The following DNMT3B variants were observed in gnomAD, a reference collection of about 807,000 sequenced individuals.
DNMT3B encodes the protein DNA (cytosine-5)-methyltransferase 3B.
In DNMT3B, 37 loss-of-function variants were observed where a neutral mutation model predicts 120.2. That is an observed-to-expected ratio of 0.31 (90% CI 0.24 to 0.40). DNMT3B has a LOEUF of 0.40. Ranked by LOEUF, DNMT3B falls within the 10% of genes least tolerant of loss-of-function variation. The pLI is 1.00. For missense variants in DNMT3B, 878 were observed against 1,137.3 expected (o/e 0.77, Z 3.28); for synonymous variants, 412 against 442.8 (o/e 0.93, Z 0.87).
At chr20:32,786,841 A>G (rs1213966540) in intron 5 of DNMT3B, among the ~76,000 whole-genome samples, 1 of 152,220 alleles carries the variant, frequency 6.6e-6, no homozygotes, top group Non-Finnish European at 1.5e-5. Flanking sequence ...TCTGTTGGGA[A>G]TGGAAGCTTT....
At chr20:32,796,475 A>G (rs1376415420) in intron 12 of DNMT3B, among the ~76,000 whole-genome samples, 2 of 152,202 alleles carry the variant, frequency 1.3e-5, no homozygotes, top group Non-Finnish European at 2.9e-5. Context: ...AGTCACCACA[A>G]AATCCTTAGT....
chr20:32,763,020 G>A (rs73112119), intron 1 of DNMT3B, among the ~76,000 whole-genome samples: 3,155 of 152,228 alleles, frequency 0.021, 46 homozygotes, highest in Non-Finnish European at 0.03. Flanking sequence ...CAGGGAGGGG[G>A]ACGCGCTGGC....
chr20:32,806,357 CTG>C lies in DNMT3B; in HGVS notation c.2420+34_2420+35del, dbSNP rs751437989. ...GCAAGGCTGCACTTGGAGAGGGAAA[CTG>C]TGTAGATCAAAACACAAATGGGCAG... On this transcript the variant is annotated intron_variant, in intron 22 of 22. Coordinates refer to ENST00000328111, the MANE Select transcript of DNMT3B (RefSeq NM_006892.4). 5.7e-5 allele frequency: 91 copies of C among 1,600,944 alleles called. 1 individual carries two copies. Among genetic ancestry groups the C allele is most frequent in the South Asian group, 2.3e-4 (21 of 90,756 alleles).
intron 8 of DNMT3B, among the ~76,000 whole-genome samples, chr20:32,792,359 T>C (rs573781095): frequency 1.2e-4 from 19 of 152,234 alleles, no homozygotes; most frequent in African/African-American, 4.6e-4. Context: ...GCCTTTTGAG[T>C]GGGAGGTGAC....
rs1032274451 is a variant in DNMT3B, at chr20:32,779,994, A to G, written c.-6-324A>G. Reference sequence around the variant, plus strand: ...AGACGGGCCGGGACAGGCAGGTCCTAAATGGCATTGTTTGAAGGGGCCGGC... The same window carrying G: ...AGACGGGCCGGGACAGGCAGGTCCTGAATGGCATTGTTTGAAGGGGCCGGC... On this transcript the variant is annotated intron_variant, in intron 1 of 22. Transcript: ENST00000328111. 5 of 1,343,372 alleles carry G rather than the reference A, an allele frequency of 3.7e-6. No homozygotes were observed. The African/African-American group carries it at 5.8e-5, about 16-fold the overall frequency. The allele number at this position is 1,343,372 out of a possible 1,614,324, so 83.2% of individuals were successfully genotyped here. A position where few individuals can be genotyped will look rare whatever the true frequency, so the allele number is the denominator to read the frequency against.
chr20:32,765,574 C>CCACG (rs1987285662), intron 1 of DNMT3B, among the ~76,000 whole-genome samples: 1 of 150,664 alleles, frequency 6.6e-6, no homozygotes, highest in African/African-American at 2.4e-5. Flanking sequence ...GCGCACACCA[C>CCACG]CACGCCTGGC....
intron 8 of DNMT3B, 92 bp from the exon 9 acceptor site, chr20:32,792,534 G>A: frequency 6.2e-7 from 1 of 1,604,682 alleles, no homozygotes. Flanking sequence ...GTGTGAAGGG[G>A]AATGTAGGCC....
intron 8 of DNMT3B, among the ~76,000 whole-genome samples, chr20:32,791,923 TGAATCAGAAG>T (rs1202364970): frequency 6.6e-6 from 1 of 152,178 alleles, no homozygotes; most frequent in Non-Finnish European, 1.5e-5. Context: ...GACCACTAAC[TGAATCAGAAG>T]GAAAGAGCAC....
At chr20:32,789,123 T>G in intron 7 of DNMT3B, 111 bp downstream of exon 7, 9 of 1,477,356 alleles carry the variant, frequency 6.1e-6, no homozygotes, top group Non-Finnish European at 8.3e-6. Context: ...AGCCTATGCC[T>G]TCACACTGTC....
intron 10 of DNMT3B, among the ~76,000 whole-genome samples, chr20:32,794,119 G>C (rs978952951): frequency 9.9e-5 from 15 of 152,006 alleles, no homozygotes; most frequent in Admixed American, 9.2e-4. Flanking sequence ...AGCATTTTGG[G>C]ACGCTGAGGT....
chr20:32,789,326 A>G (rs1366012835), intron 7 of DNMT3B, among the ~76,000 whole-genome samples: 1 of 152,226 alleles, frequency 6.6e-6, no homozygotes, highest in African/African-American at 2.4e-5. Context: ...CAAGTACCCA[A>G]AAGTGTTCAG....
intron 1 of DNMT3B, among the ~76,000 whole-genome samples, chr20:32,774,693 ATGTCTTGTCT>A (rs546759464): frequency 1.5e-4 from 23 of 151,028 alleles, no homozygotes; most frequent in Non-Finnish European, 2.1e-4. Flanking sequence ...GGGGTCTCCC[ATGTCTTGTCT>A]TGTCTTGTCT....
intron 1 of DNMT3B, 170 bp from the exon 2 acceptor site, chr20:32,780,148 G>A (rs1436236969): frequency 6.2e-7 from 1 of 1,613,858 alleles, no homozygotes; most frequent in East Asian, 2.2e-5. Context: ...CAAGCTTGGT[G>A]AGGGGGAGGC....
intron 6 of DNMT3B, among the ~76,000 whole-genome samples, chr20:32,787,866 T>G (rs1015248523): frequency 3.3e-5 from 5 of 152,000 alleles, no homozygotes; most frequent in African/African-American, 9.7e-5. Flanking sequence ...GGTGGGGCCA[T>G]TTTCTAAGAT....
intron 3 of DNMT3B, among the ~76,000 whole-genome samples, chr20:32,783,905 T>C (rs1978929726): frequency 1.5e-5 from 2 of 129,324 alleles, no homozygotes; most frequent in Non-Finnish European, 3.1e-5. Flanking sequence ...TTTGTATTTG[T>C]ATTTGTATTT....
At chr20:32,797,431 G>A (rs2146020840) in intron 14 of DNMT3B, 132 bp downstream of exon 14, 1 of 816,450 alleles carries the variant, frequency 1.2e-6, no homozygotes, top group East Asian at 2.6e-5. Flanking sequence ...CCTGGAAGCA[G>A]CACACAGGGT....
chr20:32,808,502 G>C lies in DNMT3B; in HGVS notation c.*599G>C. On this transcript the variant is annotated 3_prime_UTR_variant, in exon 23 of 23. Transcript: ENST00000328111. ...TGCCTAAATACAAGGGCTGGAGTCT[G>C]CACGGGACCTATTAGAGTATTTTCC... 4.3e-6 allele frequency: 1 copy of C among 233,934 alleles called. No homozygotes were observed. Among genetic ancestry groups the C allele is most frequent in the East Asian group, 6.2e-5 (1 of 16,222 alleles). The allele number at this position is 233,934 out of a possible 1,614,324, so 14.5% of individuals were successfully genotyped here. A position where few individuals can be genotyped will look rare whatever the true frequency, so the allele number is the denominator to read the frequency against.
At chr20:32,780,729 CAG>C (rs898989070) in intron 2 of DNMT3B, among the ~76,000 whole-genome samples, 3 of 152,140 alleles carry the variant, frequency 2.0e-5, no homozygotes, top group East Asian at 1.9e-4. Flanking sequence ...CCAGTCATGA[CAG>C]GGGTGGTCTC....
chr20:32,780,190 C>A (rs370406742), intron 1 of DNMT3B, 128 bp from the exon 2 acceptor site: 17 of 1,612,794 alleles, frequency 1.1e-5, no homozygotes, highest in Middle Eastern at 1.6e-4. Context: ...GGTACTTGGG[C>A]AAGAGCATCA....
Sources: gnomAD v4.1 joint callset for allele counts (sites outside exome capture counted in the v4.1 genomes callset) on GRCh38, gnomAD v4.1.1 for gene constraint, MANE v1.5 for transcripts, NCBI Gene and HGNC (gene_info 2026-07-23, HGNC 2026-07-21) for gene names.